Variants in VPS8 observed in about 807,000 individuals in gnomAD.
VPS8 encodes VPS8 subunit of CORVET complex.
A neutral mutation model predicts 216.4 loss-of-function variants in VPS8; 129 were observed. That is an observed-to-expected ratio of 0.60 (90% CI 0.52 to 0.69). The LOEUF (loss-of-function observed/expected upper bound fraction) is 0.69, where lower values mean the gene tolerates loss of function less well. VPS8 is among the 30% of genes least tolerant of loss of function. The pLI is 0.00. For missense variants in VPS8, 1,531 were observed against 1,683.5 expected (o/e 0.91, Z 1.59); for synonymous variants, 571 against 565.4 (o/e 1.01, Z -0.14).
At chr3:184,855,078 A>G (rs1293532067) in intron 13 of VPS8, among the ~76,000 whole-genome samples, 1 of 151,924 alleles carries the variant, frequency 6.6e-6, no homozygotes, top group Non-Finnish European at 1.5e-5. Context: ...GGCCATTAAC[A>G]TTTGTTAGAT....
At chr3:184,863,957 A>G (rs1247664389) in intron 16 of VPS8, among the ~76,000 whole-genome samples, 1 of 152,190 alleles carries the variant, frequency 6.6e-6, no homozygotes, top group African/African-American at 2.4e-5. Context: ...AAGAAATGAT[A>G]GTGTAATATA....
chr3:184,983,437 G>T (rs1026587824), intron 42 of VPS8, among the ~76,000 whole-genome samples: 2 of 152,166 alleles, frequency 1.3e-5, no homozygotes, highest in Admixed American at 6.5e-5. Flanking sequence ...ATTCCAAAAA[G>T]ATAATCTAAA....
intron 37 of VPS8, among the ~76,000 whole-genome samples, chr3:184,958,227 G>A (rs925219061): frequency 1.3e-5 from 2 of 152,090 alleles, no homozygotes; most frequent in South Asian, 2.1e-4. Flanking sequence ...GAACAAATTC[G>A]GGTACATTGT....
chr3:185,044,213 T>C (rs892963810), intron 46 of VPS8, among the ~76,000 whole-genome samples: 6 of 152,114 alleles, frequency 3.9e-5, no homozygotes, highest in African/African-American at 1.4e-4. Flanking sequence ...AAAGTGACTT[T>C]CGTCAGGCTT....
At chr3:184,814,635 A>G (rs1715909604) in intron 1 of VPS8, among the ~76,000 whole-genome samples, 1 of 152,222 alleles carries the variant, frequency 6.6e-6, no homozygotes, top group South Asian at 2.1e-4. Context: ...AGATTGAAAA[A>G]TGTGAACCTG....
At chr3:184,866,038 C>G (rs1341250499) in intron 16 of VPS8, among the ~76,000 whole-genome samples, 1 of 151,632 alleles carries the variant, frequency 6.6e-6, no homozygotes, top group Admixed American at 6.6e-5. Context: ...CTCAGAAGTT[C>G]TACTCCTAGG....
chr3:185,036,689 A>G (rs1269658952), intron 46 of VPS8, among the ~76,000 whole-genome samples: 1 of 151,788 alleles, frequency 6.6e-6, no homozygotes, highest in Non-Finnish European at 1.5e-5. Flanking sequence ...ACTCCTATAT[A>G]GTTTTATTCC....
rs1162971163 is a variant in VPS8 at position 185,024,486 on chromosome 3, A to T, written c.4056+97A>T. 10 of 1,295,808 alleles carry T rather than the reference A, an allele frequency of 7.7e-6. No homozygotes were observed. The East Asian group carries it at 2.0e-4, about 26-fold the overall frequency. The allele number at this position is 1,295,808 out of a possible 1,614,324, so 80.3% of individuals were successfully genotyped here. A position where few individuals can be genotyped will look rare whatever the true frequency, so the allele number is the denominator to read the frequency against. ...CTCAACATGGCAATGATTTTTAATC[A>T]TCTTAATGCTGTCAAGGGTTATTTC... On this transcript the variant is annotated intron_variant, in intron 46 of 47. Transcript: ENST00000625842.
intron 45 of VPS8, among the ~76,000 whole-genome samples, chr3:185,009,167 A>G (rs1754651781): frequency 6.6e-6 from 1 of 152,220 alleles, no homozygotes; most frequent in Admixed American, 6.5e-5. Flanking sequence ...ATACAGACAA[A>G]GAGAACTAAG....
At chr3:184,982,453 G>T in intron 40 of VPS8, 113 bp from the exon 41 acceptor site, 7 of 590,270 alleles carry the variant, frequency 1.2e-5, no homozygotes, top group Middle Eastern at 3.4e-4. Flanking sequence ...ACAAATGTAT[G>T]TGAGAAGTAC....
intron 45 of VPS8, among the ~76,000 whole-genome samples, chr3:185,020,901 G>A (rs530149131): frequency 1.5e-4 from 23 of 152,182 alleles, no homozygotes; most frequent in East Asian, 7.7e-4. Flanking sequence ...GTGAAACCCC[G>A]TCTCTACTAA....
intron 25 of VPS8, among the ~76,000 whole-genome samples, chr3:184,903,977 C>T (rs979920355): frequency 3.3e-5 from 5 of 151,910 alleles, no homozygotes; most frequent in Non-Finnish European, 7.4e-5. Context: ...CCTTTTCCTC[C>T]TCCTAAGTAT....
intron 5 of VPS8, among the ~76,000 whole-genome samples, chr3:184,837,332 T>A (rs916265406): frequency 1.3e-5 from 2 of 152,226 alleles, no homozygotes; most frequent in African/African-American, 2.4e-5. Flanking sequence ...ATAATGTTAA[T>A]GAAGAAAAAA....
chr3:184,821,104 A>G (rs539560337), intron 1 of VPS8, among the ~76,000 whole-genome samples: 1 of 152,232 alleles, frequency 6.6e-6, no homozygotes, highest in Non-Finnish European at 1.5e-5. Context: ...GTTGAAAATT[A>G]TGTCCAGACA....
intron 8 of VPS8, among the ~76,000 whole-genome samples, chr3:184,848,819 T>G (rs553386722): frequency 5.4e-4 from 82 of 152,240 alleles, no homozygotes; most frequent in Middle Eastern, 3.4e-3. Flanking sequence ...TCCACCCACC[T>G]CGGCCTTCCA....
chr3:184,913,595 G>A lies in VPS8; in HGVS notation c.2189+34G>A, dbSNP rs773000777. On this transcript the variant is annotated intron_variant, in intron 26 of 47. Coordinates refer to ENST00000625842, the MANE Select transcript of VPS8 (RefSeq NM_001009921.3). Reference sequence around the variant, plus strand: ...GTTTTATTTATTCATCTGCATGTATGTTCTTTCTATATTTTTCCTATATTT... The same window carrying A: ...GTTTTATTTATTCATCTGCATGTATATTCTTTCTATATTTTTCCTATATTT... 5.3e-6 allele frequency: 8 copies of A among 1,501,564 alleles called. No homozygotes were observed. The Admixed American group carries it at 1.5e-4, about 28-fold the overall frequency. The allele number at this position is 1,501,564 out of a possible 1,614,324, so 93.0% of individuals were successfully genotyped here. A position where few individuals can be genotyped will look rare whatever the true frequency, so the allele number is the denominator to read the frequency against.
chr3:184,912,200 T>C (rs1428608177), intron 25 of VPS8, among the ~76,000 whole-genome samples: 1 of 152,244 alleles, frequency 6.6e-6, no homozygotes, highest in Non-Finnish European at 1.5e-5. Flanking sequence ...GGCTGCCGGC[T>C]GAATAAAAGA....
At chr3:185,007,176 C>A (rs984675072) in intron 45 of VPS8, among the ~76,000 whole-genome samples, 2 of 152,180 alleles carry the variant, frequency 1.3e-5, no homozygotes. Context: ...CCTTATCTCC[C>A]CCTCTTCCTC....
At chr3:184,952,516 G>C (rs1467518781) in intron 36 of VPS8, among the ~76,000 whole-genome samples, 2 of 132,854 alleles carry the variant, frequency 1.5e-5, no homozygotes, top group Non-Finnish European at 3.4e-5. Context: ...TGTAGCCTCT[G>C]GCAGAAGCTG....
Sources: gnomAD v4.1 joint callset for allele counts (sites outside exome capture counted in the v4.1 genomes callset) on GRCh38, gnomAD v4.1.1 for gene constraint, MANE v1.5 for transcripts, NCBI Gene and HGNC (gene_info 2026-07-23, HGNC 2026-07-21) for gene names.